Variants in RHCE observed in about 807,000 individuals in gnomAD.
RHCE encodes Rh blood group CcEe antigens.
Under a neutral mutation model 43.8 loss-of-function variants are expected in RHCE, and 22 were observed. That is an observed-to-expected ratio of 0.50 (90% CI 0.36 to 0.72). The LOEUF is 0.72. Ranked by LOEUF, RHCE falls within the 30% of genes least tolerant of loss-of-function variation. The pLI is 0.00. For missense variants in RHCE, 385 were observed against 525.4 expected, an observed-to-expected ratio of 0.73 and a Z score of 2.61; for synonymous variants, 156 against 210.7, an observed-to-expected ratio of 0.74 and a Z score of 2.25.
At chr1:25,370,042 T>C (rs1273590148) in intron 9 of RHCE, among the ~76,000 whole-genome samples, 1 of 151,522 alleles carries the variant, frequency 6.6e-6, no homozygotes, top group African/African-American at 2.4e-5. Context: ...CCCAGCCAGT[T>C]GTAAGATCTT....
At chr1:25,369,382 G>T (rs1645535110) in intron 9 of RHCE, among the ~76,000 whole-genome samples, 1 of 151,678 alleles carries the variant, frequency 6.6e-6, no homozygotes, top group African/African-American at 2.4e-5. Context: ...GACTTGCTGT[G>T]ACAATACTGG....
intron 7 of RHCE, among the ~76,000 whole-genome samples, chr1:25,379,182 T>C (rs988747052): frequency 7.2e-5 from 11 of 151,832 alleles, no homozygotes; most frequent in Non-Finnish European, 1.3e-4. Context: ...GCAGAGGGTA[T>C]CACATGGCAA....
chr1:25,391,478 C>G (rs1166012659), intron 4 of RHCE, among the ~76,000 whole-genome samples: 1 of 151,594 alleles, frequency 6.6e-6, no homozygotes, highest in South Asian at 2.1e-4. Flanking sequence ...TGAGCCACCA[C>G]GCCTGGCCCA....
chr1:25,413,458 T>G (rs1458099622), intron 1 of RHCE, among the ~76,000 whole-genome samples: 1 of 152,234 alleles, frequency 6.6e-6, no homozygotes, highest in Non-Finnish European at 1.5e-5. Context: ...GATAAGCTGA[T>G]GGGCTCTAAG....
At chr1:25,411,514 C>G in intron 1 of RHCE, 1 of 1,505,164 alleles carries the variant, frequency 6.6e-7, no homozygotes, top group Non-Finnish European at 8.9e-7. Flanking sequence ...CTGACATTTC[C>G]AAATCAACCT....
chr1:25,416,819 C>CGGA (rs1553161327), intron 1 of RHCE, among the ~76,000 whole-genome samples: 1 of 116,794 alleles, frequency 8.6e-6, no homozygotes, highest in African/African-American at 3.9e-5. Flanking sequence ...TTAGAGATGG[C>CGGA]GGGGGGGGGT....
At chr1:25,373,826 T>A (rs573551922) in intron 8 of RHCE, among the ~76,000 whole-genome samples, 8 of 149,864 alleles carry the variant, frequency 5.3e-5, no homozygotes, top group Non-Finnish European at 1.2e-4. Flanking sequence ...ATGGAATGTA[T>A]ATTTTCTTTC....
chr1:25,396,866 C>A (rs1646557732), intron 3 of RHCE, among the ~76,000 whole-genome samples: 1 of 151,748 alleles, frequency 6.6e-6, no homozygotes, highest in Admixed American at 6.6e-5. Context: ...GTAATCTCAG[C>A]AATTTGGGAG....
Position 25,381,165 on chromosome 1 carries a change from C to T in RHCE, c.1073+4546G>A, listed in dbSNP as rs572849437. Among the ~76,000 whole-genome samples, 10 of 152,226 alleles carry T rather than the reference C, an allele frequency of 6.6e-5. 1 individual carries two copies. The South Asian group carries it at 1.9e-3, about 28-fold the overall frequency. ...TTTCATTCTCTACAACATGGGTGAC[C>T]TACGGATTTTCTGCTTTCCATAAAT... On this transcript the variant is annotated intron_variant, in intron 7 of 9. Transcript: ENST00000294413.
rs188896672 is a variant in RHCE, at chr1:25,411,231, A to C, written c.149-2362T>G. ...TAGAGCCACCTGAGAGGTTTCTGGG[A>C]CATCCGAAGGAAATAATGTTTAGTA... On this transcript the variant is annotated intron_variant, in intron 1 of 9. Transcript: ENST00000294413. The C allele has an allele frequency of 1.0e-3, 1,427 of 1,385,690 alleles. 15 individuals are homozygous for C. In the African/African-American group the frequency reaches 0.017, roughly 17 times the overall value. The allele number at this position is 1,385,690 out of a possible 1,614,324, so 85.8% of individuals were successfully genotyped here. A position where few individuals can be genotyped will look rare whatever the true frequency, so the allele number is the denominator to read the frequency against.
At chr1:25,400,633 T>C (rs1646708547) in intron 3 of RHCE, among the ~76,000 whole-genome samples, 1 of 151,428 alleles carries the variant, frequency 6.6e-6, no homozygotes, top group Admixed American at 6.6e-5. Context: ...TCCCTAGCCC[T>C]AACCTTTCCA....
chr1:25,367,706 C>T (rs1261328048), intron 9 of RHCE, among the ~76,000 whole-genome samples: 1 of 143,198 alleles, frequency 7.0e-6, no homozygotes, highest in African/African-American at 2.5e-5. Context: ...GGCACAGTGG[C>T]TCATGCCTAT....
At chr1:25,379,493 ATATTTTTTTTT>A (rs1218597085) in intron 7 of RHCE, among the ~76,000 whole-genome samples, 21 of 17,882 alleles carry the variant, frequency 1.2e-3, no homozygotes, top group African/African-American at 3.5e-3. Flanking sequence ...ATATATATAT[ATATTTTTTTTT>A]TTTTTTTTTT....
At chr1:25,425,682 T>C (rs542410303), upstream of RHCE, among the ~76,000 whole-genome samples, 2 of 152,322 alleles carry the variant, frequency 1.3e-5, no homozygotes, top group African/African-American at 4.8e-5. Context: ...CAGCCAGGCT[T>C]CCTGCAGGTG....
At chr1:25,410,538 TTGTGCTTCAGCCTCC>T (rs962336380) in intron 1 of RHCE, among the ~76,000 whole-genome samples, 4 of 152,152 alleles carry the variant, frequency 2.6e-5, no homozygotes, top group African/African-American at 9.6e-5. Context: ...CAAGTGATTC[TTGTGCTTCAGCCTCC>T]TGTGCTTCAG....
chr1:25,390,767 G>A lies in RHCE; in HGVS notation c.783C>T (p.Pro261=), dbSNP rs774902005. Residue 261 remains proline, a synonymous_variant, in exon 5 of 10, where the codon CCC becomes CCT. Coordinates refer to ENST00000294413, the MANE Select transcript of RHCE (RefSeq NM_020485.8). Reference sequence around the variant, plus strand: ...TGCTCACCATGCTGATCTTCCTTTGGGGGTGAGCCAAGGATGACCCTGAGA... The same window carrying A: ...TGCTCACCATGCTGATCTTCCTTTGAGGGTGAGCCAAGGATGACCCTGAGA... ...TAISGSSLAH[P]QRKISMTYVH... 6.2e-7 allele frequency: 1 copy of A among 1,614,228 alleles called. No individual in the cohort carries two copies. The highest frequency in any genetic ancestry group is 1.1e-5 in the South Asian group (1 of 91,086).
At chr1:25,419,837 TG>T (rs35034819) in intron 1 of RHCE, 2 of 99,980 alleles carry the variant, frequency 2.0e-5, no homozygotes, top group Non-Finnish European at 3.9e-5. Flanking sequence ...GGGGTGGGGG[TG>T]GGGGGTAGCA....
chr1:25,415,587 G>A (rs1330843879), intron 1 of RHCE, among the ~76,000 whole-genome samples: 2 of 152,146 alleles, frequency 1.3e-5, no homozygotes, highest in Admixed American at 6.5e-5. Context: ...GGGAGGCGGA[G>A]GTTGCGGTGA....
chr1:25,423,479 G>T (rs539274139), upstream of RHCE, among the ~76,000 whole-genome samples: 36 of 152,322 alleles, frequency 2.4e-4, no homozygotes, highest in African/African-American at 8.4e-4. Flanking sequence ...AAATCCCTGT[G>T]CGTCCTGATC....
Sources: gnomAD v4.1 joint callset for allele counts (sites outside exome capture counted in the v4.1 genomes callset) on GRCh38, gnomAD v4.1.1 for gene constraint, MANE v1.5 for transcripts, NCBI Gene and HGNC (gene_info 2026-07-23, HGNC 2026-07-21) for gene names.